LRRC63: variants seen among roughly 807,000 people sequenced by gnomAD.
LRRC63 encodes leucine rich repeat containing 63.
Under a neutral mutation model 49.5 loss-of-function variants are expected in LRRC63, and 40 were observed. The ratio of observed to expected loss-of-function variants is 0.81; its 90% CI spans 0.63 to 1.05. The LOEUF (loss-of-function observed/expected upper bound fraction) is 1.05. LRRC63 is among the 50% of genes least tolerant of loss of function. The probability of loss-of-function intolerance (pLI) is 0.00; values close to 1 mark genes in which losing one functional copy is unlikely to be tolerated. For missense variants in LRRC63, 636 were observed against 663.1 expected (o/e 0.96, Z 0.45); for synonymous variants, 191 against 221.1 (o/e 0.86, Z 1.21).
At chr13:46,257,389 A>G (rs75103903) in intron 7 of LRRC63, among the ~76,000 whole-genome samples, 11,685 of 152,188 alleles carry the variant, frequency 0.077, 1,478 homozygotes, top group African/African-American at 0.27. Flanking sequence ...ATAATTAATA[A>G]ATCTGAGTTG....
At chr13:46,220,910 T>C (rs2046389430) in intron 2 of LRRC63, among the ~76,000 whole-genome samples, 1 of 152,196 alleles carries the variant, frequency 6.6e-6, no homozygotes, top group Non-Finnish European at 1.5e-5. Context: ...CGCCGCACCC[T>C]GCTTTGGCTC....
intron 2 of LRRC63, among the ~76,000 whole-genome samples, chr13:46,213,906 T>A (rs538574714): frequency 6.6e-6 from 1 of 152,302 alleles, no homozygotes; most frequent in South Asian, 2.1e-4. Context: ...CGAATATATT[T>A]AGTGAGCAAA....
At chr13:46,247,376 C>T (rs1027713449) in intron 6 of LRRC63, among the ~76,000 whole-genome samples, 1 of 152,022 alleles carries the variant, frequency 6.6e-6, no homozygotes, top group African/African-American at 2.4e-5. Flanking sequence ...CAAGAATTCC[C>T]AAGGAATATA....
chr13:46,258,722 C>T lies in LRRC63; in HGVS notation c.1227-3187C>T, dbSNP rs531212040. ...ACTCAGGAGGCTGAGGCAGGAGAAT[C>T]GCTTGAACCAGGGGAGTTGCAGGTT... On this transcript the variant is annotated intron_variant, in intron 7 of 9. Coordinates refer to ENST00000595396, the Ensembl canonical transcript of LRRC63. Among the ~76,000 whole-genome samples, 15 of 148,800 alleles carry T rather than the reference C, an allele frequency of 1.0e-4. No homozygotes were observed. In the East Asian group the frequency reaches 2.6e-3, roughly 26 times the overall value.
chr13:46,223,771 G>A (rs767689754), intron 2 of LRRC63, among the ~76,000 whole-genome samples: 13 of 152,140 alleles, frequency 8.5e-5, no homozygotes, highest in East Asian at 1.9e-4. Flanking sequence ...CAGGAGAATC[G>A]CTTGAACATG....
At chr13:46,256,881 C>T (rs1428346901) in intron 7 of LRRC63, among the ~76,000 whole-genome samples, 4 of 152,088 alleles carry the variant, frequency 2.6e-5, no homozygotes, top group East Asian at 3.9e-4. Flanking sequence ...TGTGATAGGG[C>T]GAATAATGGT....
At chr13:46,215,368 G>A (rs1044181707) in intron 2 of LRRC63, among the ~76,000 whole-genome samples, 10 of 152,156 alleles carry the variant, frequency 6.6e-5, no homozygotes, top group African/African-American at 2.4e-4. Context: ...GATTAGTGAT[G>A]TTAAGCTTTT....
chr13:46,275,575 T>C (rs2047823863), intron 9 of LRRC63, among the ~76,000 whole-genome samples: 1 of 152,146 alleles, frequency 6.6e-6, no homozygotes, highest in Non-Finnish European at 1.5e-5. Context: ...TTAGTGATGT[T>C]GAGCATTTTT....
chr13:46,259,204 G>T (rs2047574726), intron 7 of LRRC63, among the ~76,000 whole-genome samples: 1 of 152,028 alleles, frequency 6.6e-6, no homozygotes, highest in African/African-American at 2.4e-5. Flanking sequence ...TCTTTGATTT[G>T]TCTTTTCAAC....
chr13:46,276,853 T>TC (rs2047848586), exon 10 of LRRC63: 3 of 90,050 alleles, frequency 3.3e-5, no homozygotes, highest in Admixed American at 1.2e-4. Flanking sequence ...TATATATATT[T>TC]ATATATATAT....
chr13:46,254,221 G>GCA (rs2047453259), intron 7 of LRRC63, among the ~76,000 whole-genome samples: 1 of 152,144 alleles, frequency 6.6e-6, no homozygotes, highest in South Asian at 2.1e-4. Flanking sequence ...ACCATTCTTT[G>GCA]TAGAGCTTTA....
At chr13:46,247,822 G>A (rs1274030692) in intron 6 of LRRC63, among the ~76,000 whole-genome samples, 1 of 152,000 alleles carries the variant, frequency 6.6e-6, no homozygotes, top group Non-Finnish European at 1.5e-5. Context: ...GAAGGTAGAA[G>A]CAGAAATGTT....
Position 46,266,732 on chromosome 13 carries a change from G to C in LRRC63, c.1311-1G>C. On this transcript the variant is annotated splice_acceptor_variant, in intron 8 of 9. Transcript: ENST00000595396. LOFTEE classifies it high-confidence loss of function. ...TAAAGTGTGGTTTCCTTTATTTACA[G>C]ATCACTTGAAAAACTGACTGTTGAT... is the stretch of plus-strand genomic sequence containing the variant. The C allele has an allele frequency of 6.5e-7, 1 of 1,535,502 alleles. No individual in the cohort carries two copies. Among genetic ancestry groups the C allele is most frequent in the Non-Finnish European group, 8.8e-7 (1 of 1,141,762 alleles).
chr13:46,255,502 C>CA (rs1566505554), intron 7 of LRRC63, among the ~76,000 whole-genome samples: 2 of 151,482 alleles, frequency 1.3e-5, no homozygotes, highest in South Asian at 2.1e-4. Flanking sequence ...CCCATCTCTA[C>CA]AAAAAAATAC....
At chr13:46,212,577 G>C (rs560917255) in intron 1 of LRRC63, among the ~76,000 whole-genome samples, 4 of 152,108 alleles carry the variant, frequency 2.6e-5, no homozygotes. Context: ...TCTAATGAAG[G>C]CATCTTCTAC....
chr13:46,233,476 A>G (rs1193495554), intron 4 of LRRC63, among the ~76,000 whole-genome samples: 2 of 152,190 alleles, frequency 1.3e-5, no homozygotes, highest in Non-Finnish European at 2.9e-5. Flanking sequence ...AACCAGTAGC[A>G]TAAGAATTAC....
At chr13:46,276,708 T>C in exon 10 of LRRC63, 1 of 1,229,754 alleles carries the variant, frequency 8.1e-7, no homozygotes, top group Non-Finnish European at 1.0e-6. Flanking sequence ...CTGTTCTCCT[T>C]CTTGCTATAG....
chr13:46,250,980 C>T (rs2047363184), intron 7 of LRRC63, among the ~76,000 whole-genome samples: 1 of 151,840 alleles, frequency 6.6e-6, no homozygotes, highest in African/African-American at 2.4e-5. Context: ...CATAAGAATG[C>T]TGATATTTGG....
intron 9 of LRRC63, chr13:46,270,608 A>G (rs761329341): frequency 2.4e-6 from 2 of 843,690 alleles, no homozygotes; most frequent in East Asian, 5.0e-5. Flanking sequence ...TAATGCCACA[A>G]CAGTGACGTC....
Sources: allele counts gnomAD v4.1 joint callset (sites outside exome capture counted in the v4.1 genomes callset), GRCh38; gene constraint gnomAD v4.1.1; transcripts MANE v1.5; gene names NCBI Gene and HGNC (gene_info 2026-07-23, HGNC 2026-07-21).